Variants in GSE1 observed in about 807,000 individuals in gnomAD.
GSE1 encodes the protein Gse1 coiled-coil protein.
A neutral mutation model predicts 112.6 loss-of-function variants in GSE1; 32 were observed. The ratio of observed to expected loss-of-function variants is 0.28; its 90% CI spans 0.21 to 0.38. The LOEUF (loss-of-function observed/expected upper bound fraction) is 0.38, where lower values mean the gene tolerates loss of function less well. Ranked by LOEUF, GSE1 falls within the 10% of genes least tolerant of loss-of-function variation. The pLI is 1.00. For missense variants in GSE1, 2,348 were observed against 1,699.2 expected, an observed-to-expected ratio of 1.38 and a Z score of -6.71; for synonymous variants, 1,115 against 735.6, an observed-to-expected ratio of 1.52 and a Z score of -8.35.
intron 2 of GSE1, among the ~76,000 whole-genome samples, chr16:85,427,706 C>T (rs1373193063): frequency 2.0e-5 from 3 of 151,770 alleles, no homozygotes; most frequent in Non-Finnish European, 4.4e-5. Flanking sequence ...GTGGCATGCG[C>T]CTGTAGTCCC....
chr16:85,570,743 T>C (rs886531750), intron 1 of GSE1, among the ~76,000 whole-genome samples: 2 of 152,202 alleles, frequency 1.3e-5, no homozygotes, highest in African/African-American at 4.8e-5. Context: ...GGGCAGTTCC[T>C]GAGCACCTGT....
intron 1 of GSE1, among the ~76,000 whole-genome samples, chr16:85,300,555 G>A (rs765746110): frequency 2.0e-5 from 3 of 152,192 alleles, no homozygotes; most frequent in Non-Finnish European, 4.4e-5. Context: ...TGCGGCCTTT[G>A]GTGTCTGGCT....
chr16:85,356,783 C>T (rs184142350), intron 1 of GSE1, among the ~76,000 whole-genome samples: 3 of 152,324 alleles, frequency 2.0e-5, no homozygotes, highest in African/African-American at 7.2e-5. Flanking sequence ...GGAGCCACCG[C>T]GCCTGGCCTG....
chr16:85,444,818 C>A (rs2049468469), intron 2 of GSE1, among the ~76,000 whole-genome samples: 1 of 152,180 alleles, frequency 6.6e-6, no homozygotes, highest in African/African-American at 2.4e-5. Flanking sequence ...TCTCCTCCGC[C>A]CCCTCCAGCC....
chr16:85,361,328 A>AAC lies in GSE1; in HGVS notation c.2464+3703_2464+3704dup, dbSNP rs5818530. On this transcript the variant is annotated intron_variant, in intron 2 of 2. Transcript: ENST00000637419. ...ACAGGCACAGACCCCCCCACACACA[A>AAC]ACACACACACACACACACAGGGGCA... Among the ~76,000 whole-genome samples, 95 of 95,378 alleles carry AAC rather than the reference A, an allele frequency of 1.0e-3. 2 individuals carry two copies. Among genetic ancestry groups the AAC allele is most frequent in the Admixed American group, 2.1e-3 (20 of 9,504 alleles). The allele number at this position is 95,378 out of a possible 152,430, so 62.6% of individuals were successfully genotyped here. A position where few individuals can be genotyped will look rare whatever the true frequency, so the allele number is the denominator to read the frequency against.
chr16:85,317,589 C>T (rs2046012972), intron 1 of GSE1, among the ~76,000 whole-genome samples: 1 of 152,070 alleles, frequency 6.6e-6, no homozygotes, highest in Non-Finnish European at 1.5e-5. Context: ...CTGCACAGCC[C>T]CCAAGGTCCC....
At chr16:85,671,158 A>G (rs2053297180) in intron 15 of GSE1, 60 bp downstream of exon 15, 1 of 957,528 alleles carries the variant, frequency 1.0e-6, no homozygotes, top group African/African-American at 1.6e-5. Flanking sequence ...GGGTTCAGAA[A>G]CACCCATGCA....
rs186441252 is a variant in GSE1 at position 85,243,373 on chromosome 16, G to A, written c.2283+71566G>A. ...AGGGTGCCTGTGAGGGGAAGGACACGGGCAGTGGGGCTTACCCCAAACGGG... is the reference window on the plus strand; with the variant it reads ...AGGGTGCCTGTGAGGGGAAGGACACAGGCAGTGGGGCTTACCCCAAACGGG... On this transcript the variant is annotated intron_variant, in intron 1 of 2. Transcript: ENST00000637419. 5.3e-4 allele frequency among the ~76,000 whole-genome samples: 80 copies of A among 152,282 alleles called. 2 individuals carry two copies. The highest frequency in any genetic ancestry group is 4.8e-3 in the Admixed American group (73 of 15,298).
chr16:85,518,848 A>G (rs530651996), intron 2 of GSE1, among the ~76,000 whole-genome samples: 1 of 152,252 alleles, frequency 6.6e-6, no homozygotes, highest in East Asian at 1.9e-4. Flanking sequence ...GCAGGAAGGA[A>G]GCCCTGTCTT....
chr16:85,636,125 C>G lies in GSE1; in HGVS notation c.226+1993C>G, dbSNP rs536145745. ...CATGGCCTCGTGGCCCTGCTCCCTC[C>G]CAGCTGCAACCTGGGCACTGGGAAG... On this transcript the variant is annotated intron_variant, in intron 2 of 15. Transcript: ENST00000253458. 9.8e-5 allele frequency among the ~76,000 whole-genome samples: 15 copies of G among 152,364 alleles called. 1 individual carries two copies. The East Asian group carries it at 2.7e-3, about 27-fold the overall frequency.
intron 1 of GSE1, among the ~76,000 whole-genome samples, chr16:85,223,008 G>T (rs1211331381): frequency 1.3e-5 from 2 of 152,156 alleles, no homozygotes; most frequent in South Asian, 4.1e-4. Context: ...AGTCTTACCG[G>T]ACTGCTTCCC....
intron 1 of GSE1, among the ~76,000 whole-genome samples, chr16:85,602,780 C>T (rs1240323359): frequency 6.6e-6 from 1 of 152,216 alleles, no homozygotes; most frequent in African/African-American, 2.4e-5. Flanking sequence ...ATTTCCGGTC[C>T]ACTGGTGTCC....
intron 2 of GSE1, among the ~76,000 whole-genome samples, chr16:85,643,904 C>T (rs771050316): frequency 3.5e-4 from 53 of 152,134 alleles, no homozygotes; most frequent in Non-Finnish European, 6.6e-4. Flanking sequence ...TGGCGGCTCT[C>T]GGTGTGTTGG....
chr16:85,619,934 C>A (rs1236821700), intron 1 of GSE1, among the ~76,000 whole-genome samples: 1 of 152,112 alleles, frequency 6.6e-6, no homozygotes, highest in East Asian at 1.9e-4. Context: ...GCCTCCTCAC[C>A]CAACTCCCAC....
At chr16:85,647,902 GTGTT>G (rs2051016024) in intron 2 of GSE1, among the ~76,000 whole-genome samples, 1 of 152,134 alleles carries the variant, frequency 6.6e-6, no homozygotes, top group Non-Finnish European at 1.5e-5. Context: ...ACCGCTTCTT[GTGTT>G]TGTTCCCTGC....
At chr16:85,172,195 G>C (rs2074370638) in intron 1 of GSE1, among the ~76,000 whole-genome samples, 1 of 152,248 alleles carries the variant, frequency 6.6e-6, no homozygotes, top group Non-Finnish European at 1.5e-5. Flanking sequence ...GCGGGTCACA[G>C]AGAGGTCTCC....
At chr16:85,253,069 AC>A (rs56691935) in intron 1 of GSE1, among the ~76,000 whole-genome samples, 3,547 of 57,378 alleles carry the variant, frequency 0.062, 91 homozygotes, top group South Asian at 0.18. Flanking sequence ...CCCCCCCCCC[AC>A]CCCCCCCCCC....
Position 85,661,351 on chromosome 16 carries a change from C to A in GSE1, c.1846C>A (p.Arg616Ser). ...HSHPAAFEPS[R>S]QAAVPLVKVE... ...CCACCCGGCTGCATTTGAGCCCAGC[C>A]GCCAGGCAGCCGTGCCGCTGGTGAA... Residue 616 changes from arginine to serine, a missense_variant, in exon 9 of 16, where the codon CGC (arginine) becomes AGC (serine). Transcript: ENST00000253458. 1.2e-6 allele frequency: 2 copies of A among 1,612,162 alleles called. No homozygotes were observed. Among genetic ancestry groups the A allele is most frequent in the Non-Finnish European group, 8.5e-7 (1 of 1,179,562 alleles).
At chr16:85,415,664 C>T (rs1230898245) in intron 2 of GSE1, among the ~76,000 whole-genome samples, 1 of 152,266 alleles carries the variant, frequency 6.6e-6, no homozygotes, top group African/African-American at 2.4e-5. Context: ...ATTCCCTGTA[C>T]AGTTGACGGC....
Sources: allele counts gnomAD v4.1 joint callset (sites outside exome capture counted in the v4.1 genomes callset), GRCh38; gene constraint gnomAD v4.1.1; transcripts MANE v1.5; gene names NCBI Gene and HGNC (gene_info 2026-07-23, HGNC 2026-07-21).